IL1RAPL2: variants seen among roughly 807,000 people sequenced by gnomAD.
IL1RAPL2 encodes the protein interleukin 1 receptor accessory protein like 2, also known as X-linked interleukin-1 receptor accessory protein-like 2.
A neutral mutation model predicts 44.1 loss-of-function variants in IL1RAPL2; 3 were observed. The ratio of observed to expected loss-of-function variants is 0.07; its 90% CI spans 0.03 to 0.18. The LOEUF is 0.18. Among genes scored for constraint, IL1RAPL2 ranks in the 10% least tolerant of loss-of-function variants. The pLI is 1.00. For missense variants in IL1RAPL2, 391 were observed against 496.4 expected, an observed-to-expected ratio of 0.79 and a Z score of 2.02; for synonymous variants, 181 against 178.8, an observed-to-expected ratio of 1.01 and a Z score of -0.10.
chrX:104,692,876 G>A (rs1931115320), intron 2 of IL1RAPL2, among the ~76,000 whole-genome samples: 1 of 111,170 alleles, frequency 9.0e-6, no homozygotes, highest in Non-Finnish European at 1.9e-5. Flanking sequence ...GGGATGGCTG[G>A]GTCAAATGGT....
intron 4 of IL1RAPL2, among the ~76,000 whole-genome samples, chrX:105,253,822 T>C (rs1427999150): frequency 8.9e-6 from 1 of 111,973 alleles, no homozygotes; most frequent in Non-Finnish European, 1.9e-5. Context: ...ATTCCCTGCA[T>C]TAGTTTGCTA....
intron 5 of IL1RAPL2, among the ~76,000 whole-genome samples, chrX:105,390,959 G>C (rs1302192554): frequency 9.0e-6 from 1 of 111,604 alleles, no homozygotes; most frequent in Non-Finnish European, 1.9e-5. Context: ...AACCATCACA[G>C]ATCTCACAAT....
chrX:104,726,466 T>C (rs1324127460), intron 2 of IL1RAPL2, among the ~76,000 whole-genome samples: 2 of 111,836 alleles, frequency 1.8e-5, no homozygotes, highest in Non-Finnish European at 3.8e-5. Flanking sequence ...ATAAATTACT[T>C]TGGGCAGTAT....
intron 3 of IL1RAPL2, among the ~76,000 whole-genome samples, chrX:105,203,204 C>A (rs2033732538): frequency 8.9e-6 from 1 of 112,185 alleles, no homozygotes; most frequent in African/African-American, 3.2e-5. Flanking sequence ...GATTCTATCC[C>A]TATTTGCTTA....
intron 6 of IL1RAPL2, among the ~76,000 whole-genome samples, chrX:105,511,274 G>T (rs2036467972): frequency 9.0e-6 from 1 of 111,271 alleles, no homozygotes; most frequent in South Asian, 3.7e-4. Context: ...CATCAGTTTT[G>T]GAGCTCCACA....
rs188527513 is a variant in IL1RAPL2, at chrX:104,877,725, T to G, written c.82+218730T>G. The stretch of plus-strand genomic sequence containing the variant: ...AATAGAGCTATTAACCTTGAATCAA[T>G]TGAGCTGTCTGTACATACAGGGCAT... On this transcript the variant is annotated intron_variant, in intron 2 of 10. Transcript: ENST00000372582. Among the ~76,000 whole-genome samples the G allele has an allele frequency of 7.2e-5, 8 of 111,662 alleles. No individual in the cohort carries two copies. In the East Asian group the frequency reaches 2.3e-3, roughly 31 times the overall value.
chrX:105,409,523 G>A (rs1356257794), intron 5 of IL1RAPL2, among the ~76,000 whole-genome samples: 3 of 111,109 alleles, frequency 2.7e-5, no homozygotes, highest in African/African-American at 9.8e-5. Context: ...CTAGTGGTAA[G>A]TGCCACCCAG....
intron 5 of IL1RAPL2, chrX:105,405,966 C>G (rs1202595817): frequency 7.6e-6 from 9 of 1,191,097 alleles, no homozygotes; most frequent in African/African-American, 1.8e-5. Context: ...ATTTATTGAT[C>G]CTCAGACAGA....
At chrX:105,479,980 T>A (rs1311853208) in intron 5 of IL1RAPL2, among the ~76,000 whole-genome samples, 4 of 110,969 alleles carry the variant, frequency 3.6e-5, no homozygotes, top group African/African-American at 1.3e-4. Context: ...CTGAATGGAT[T>A]TGGGAGGATC....
intron 2 of IL1RAPL2, among the ~76,000 whole-genome samples, chrX:105,064,982 C>A: frequency 8.9e-6 from 1 of 112,345 alleles, no homozygotes; most frequent in East Asian, 2.8e-4. Context: ...ATCTGTGGAG[C>A]TTCTAAAACC....
chrX:105,704,590 T>C (rs773030238), intron 6 of IL1RAPL2, among the ~76,000 whole-genome samples: 4 of 112,022 alleles, frequency 3.6e-5, no homozygotes, highest in Admixed American at 9.5e-5. Flanking sequence ...TTTGGGAATC[T>C]TTGTTCTAAA....
chrX:104,986,445 A>C (rs2030562579), intron 2 of IL1RAPL2, among the ~76,000 whole-genome samples: 1 of 112,247 alleles, frequency 8.9e-6, no homozygotes, highest in African/African-American at 3.2e-5. Flanking sequence ...GTTTTCTTTC[A>C]AGTCTGAATT....
intron 4 of IL1RAPL2, among the ~76,000 whole-genome samples, chrX:105,253,038 ACTCAG>A (rs1051209486): frequency 9.0e-6 from 1 of 111,114 alleles, no homozygotes; most frequent in African/African-American, 3.3e-5. Context: ...TGTTGTTCAA[ACTCAG>A]CTCAGATGCT....
At chrX:104,706,859 A>G (rs1931370681) in intron 2 of IL1RAPL2, among the ~76,000 whole-genome samples, 1 of 111,728 alleles carries the variant, frequency 9.0e-6, no homozygotes, top group Admixed American at 9.5e-5. Context: ...CAGAAAGTAC[A>G]CCTGCCTTTG....
chrX:104,800,838 G>C (rs1380168003), intron 2 of IL1RAPL2, among the ~76,000 whole-genome samples: 1 of 112,496 alleles, frequency 8.9e-6, no homozygotes, highest in African/African-American at 3.2e-5. Context: ...AGAGCATGGG[G>C]TGTTGCTTAA....
In IL1RAPL2 at chrX:105,143,193, C is replaced by A. The variant is rs187127226; in HGVS notation, c.83-52282C>A. ...TGGGAGAAAATTTTTGCAACCTACT[C>A]ATCTGACAAAGGGCTAATATCCAGA... On this transcript the variant is annotated intron_variant, in intron 2 of 10. Transcript: ENST00000372582. 6.0e-3 allele frequency among the ~76,000 whole-genome samples: 667 copies of A among 111,323 alleles called. 12 individuals are homozygous for A. Among genetic ancestry groups the A allele is most frequent in the African/African-American group, 0.021 (635 of 30,591 alleles).
intron 6 of IL1RAPL2, among the ~76,000 whole-genome samples, chrX:105,665,753 T>TTTTTTTTTTTTTTTTTTTG (rs2037759802): frequency 1.4e-5 from 1 of 69,315 alleles, no homozygotes; most frequent in African/African-American, 5.6e-5. Context: ...TTTTTTTTTT[T>TTTTTTTTTTTTTTTTTTTG]TTGTTGTTGT....
chrX:105,431,194 T>C (rs2035844598), intron 5 of IL1RAPL2, among the ~76,000 whole-genome samples: 1 of 112,200 alleles, frequency 8.9e-6, no homozygotes, highest in African/African-American at 3.2e-5. Flanking sequence ...GTTGGCAGGA[T>C]TGGTTATGAA....
At chrX:105,092,668 G>T (rs1167814279) in intron 2 of IL1RAPL2, among the ~76,000 whole-genome samples, 5 of 111,240 alleles carry the variant, frequency 4.5e-5, no homozygotes, top group African/African-American at 1.6e-4. Flanking sequence ...CTATCATAAG[G>T]CCCCTAAGCA....
Sources: allele counts gnomAD v4.1 joint callset (sites outside exome capture counted in the v4.1 genomes callset), GRCh38; gene constraint gnomAD v4.1.1; transcripts MANE v1.5; gene names NCBI Gene and HGNC (gene_info 2026-07-23, HGNC 2026-07-21).